The following CDK13 variants were observed in gnomAD, a reference collection of about 807,000 sequenced individuals.
CDK13 encodes the protein cyclin-dependent kinase 13.
CDK13 carries 40 observed loss-of-function variants against 137.6 expected under a neutral mutation model. That is an observed-to-expected ratio of 0.29 (90% CI 0.23 to 0.38). The LOEUF (loss-of-function observed/expected upper bound fraction) is 0.38, where lower values mean the gene tolerates loss of function less well. CDK13 is among the 10% of genes least tolerant of loss of function. The pLI, the probability that CDK13 is intolerant of heterozygous loss-of-function variation, is 1.00. For missense variants in CDK13, 1,704 were observed against 1,951.8 expected (o/e 0.87, Z 2.39); for synonymous variants, 869 against 760.1 (o/e 1.14, Z -2.36).
At chr7:40,015,467 G>T (rs1474015839) in intron 5 of CDK13, among the ~76,000 whole-genome samples, 1 of 152,084 alleles carries the variant, frequency 6.6e-6, no homozygotes, top group Admixed American at 6.5e-5. Flanking sequence ...TTCTTCATCT[G>T]CAAAATGGGG....
intron 12 of CDK13, among the ~76,000 whole-genome samples, chr7:40,089,464 A>G (rs1338989487): frequency 6.6e-6 from 1 of 151,238 alleles, no homozygotes; most frequent in Non-Finnish European, 1.5e-5. Flanking sequence ...AGGATATCTT[A>G]TATCTAGTTA....
chr7:40,084,032 A>G (rs1786731700), intron 11 of CDK13, among the ~76,000 whole-genome samples: 1 of 152,178 alleles, frequency 6.6e-6, no homozygotes, highest in Non-Finnish European at 1.5e-5. Flanking sequence ...AAATGAGAGA[A>G]TGGGGTATTT....
At chr7:40,090,786 T>C (rs951450416) in intron 12 of CDK13, among the ~76,000 whole-genome samples, 2 of 152,168 alleles carry the variant, frequency 1.3e-5, no homozygotes, top group Non-Finnish European at 2.9e-5. Context: ...CAGGAAAGAT[T>C]GCTTGAGCCT....
At chr7:39,975,821 AAC>A (rs1784092883) in intron 1 of CDK13, among the ~76,000 whole-genome samples, 1 of 152,358 alleles carries the variant, frequency 6.6e-6, no homozygotes, top group East Asian at 1.9e-4. Context: ...TGTGAGTCAC[AAC>A]ACAGAGTTTT....
intron 4 of CDK13, among the ~76,000 whole-genome samples, chr7:39,999,894 T>A (rs113603632): frequency 6.7e-6 from 1 of 150,304 alleles, no homozygotes; most frequent in Non-Finnish European, 1.5e-5. Flanking sequence ...CAGTTTTTTT[T>A]CCTGCAGTAA....
rs147288042 is a variant in CDK13, at chr7:40,039,857, C to T, written c.2354-5979C>T. 7.4e-4 allele frequency among the ~76,000 whole-genome samples: 113 copies of T among 151,986 alleles called. 1 individual carries two copies. In the East Asian group the frequency reaches 0.02, roughly 28 times the overall value. On this transcript the variant is annotated intron_variant, in intron 5 of 13. Transcript: ENST00000181839. ...CAGAGGATTTTTATTTTTACATAGT[C>T]GTATTTGTCATATTTATTATTTCTT...
rs1351890458 is a variant in CDK13, at chr7:40,024,651, T to G, written c.2354-21185T>G. On this transcript the variant is annotated intron_variant, in intron 5 of 13. Coordinates refer to ENST00000181839, the MANE Select transcript of CDK13 (RefSeq NM_003718.5). ...AAGATATCTGTAGCTCTGTGTTTTT[T>G]TTTTTTTTTTTTTTTTTTTTTTTTT... 8.0e-5 allele frequency among the ~76,000 whole-genome samples: 4 copies of G among 50,130 alleles called. No individual in the cohort carries two copies. In the East Asian group the frequency reaches 4.8e-3, roughly 60 times the overall value. The allele number at this position is 50,130 out of a possible 152,430, so 32.9% of individuals were successfully genotyped here.
chr7:40,038,947 A>T lies in CDK13; in HGVS notation c.2354-6889A>T, dbSNP rs909398328. Among the ~76,000 whole-genome samples, 3 of 152,260 alleles carry T rather than the reference A, an allele frequency of 2.0e-5. No homozygotes were observed. In the South Asian group the frequency reaches 6.2e-4, roughly 32 times the overall value. ...CGACCTCAGGTGATCTGCCCACCTC[A>T]GCGTCCCAAAGTGCTGGGATTATAG... On this transcript the variant is annotated intron_variant, in intron 5 of 13. Coordinates refer to ENST00000181839, the MANE Select transcript of CDK13 (RefSeq NM_003718.5).
chr7:40,050,612 C>T (rs988733909), intron 7 of CDK13, among the ~76,000 whole-genome samples: 8 of 152,132 alleles, frequency 5.3e-5, no homozygotes, highest in Admixed American at 1.3e-4. Context: ...AGGCTGGTCT[C>T]GAACTCGTGA....
chr7:40,062,712 A>T (rs546001640), intron 7 of CDK13, 114 bp from the exon 8 acceptor site: 2 of 752,392 alleles, frequency 2.7e-6, no homozygotes, highest in Non-Finnish European at 4.6e-6. Context: ...TAGGCAGATG[A>T]AAGTGTTTTT....
chr7:40,066,082 A>G (rs1786273621), intron 9 of CDK13, among the ~76,000 whole-genome samples: 1 of 152,126 alleles, frequency 6.6e-6, no homozygotes, highest in Non-Finnish European at 1.5e-5. Flanking sequence ...GAGGGTGAGC[A>G]TGTGGTCCGT....
chr7:40,011,132 A>G (rs764057827), intron 5 of CDK13, among the ~76,000 whole-genome samples: 3 of 152,220 alleles, frequency 2.0e-5, no homozygotes, highest in Non-Finnish European at 4.4e-5. Flanking sequence ...AGAATCTGAC[A>G]AGCTGATTCT....
At chr7:40,007,620 G>T (rs1784819790) in intron 5 of CDK13, among the ~76,000 whole-genome samples, 1 of 152,010 alleles carries the variant, frequency 6.6e-6, no homozygotes, top group African/African-American at 2.4e-5. Context: ...TAGAGACGGG[G>T]TTTCACCATG....
At chr7:40,056,503 A>G (rs1786023133) in intron 7 of CDK13, among the ~76,000 whole-genome samples, 2 of 152,170 alleles carry the variant, frequency 1.3e-5, no homozygotes, top group African/African-American at 4.8e-5. Context: ...TGGAACAAAA[A>G]CCAAATGATA....
chr7:39,967,443 A>G (rs1783896622), intron 1 of CDK13, among the ~76,000 whole-genome samples: 1 of 151,954 alleles, frequency 6.6e-6, no homozygotes, highest in Non-Finnish European at 1.5e-5. Flanking sequence ...AAAACAAAAT[A>G]AAACAAAAAA....
intron 9 of CDK13, among the ~76,000 whole-genome samples, chr7:40,077,699 A>G (rs1440872874): frequency 6.6e-6 from 1 of 152,104 alleles, no homozygotes; most frequent in African/African-American, 2.4e-5. Context: ...TACTAAAAAT[A>G]CAAAAACTAG....
intron 5 of CDK13, among the ~76,000 whole-genome samples, chr7:40,025,100 A>G (rs768729358): frequency 2.0e-5 from 3 of 152,082 alleles, no homozygotes; most frequent in Non-Finnish European, 2.9e-5. Context: ...TCTCAAACTC[A>G]TGCTCCTGAT....
chr7:40,003,062 A>G (rs1050812229), intron 5 of CDK13, among the ~76,000 whole-genome samples: 1 of 151,754 alleles, frequency 6.6e-6, no homozygotes, highest in African/African-American at 2.4e-5. Flanking sequence ...TCGGTGACAG[A>G]GCAAGACCTT....
chr7:40,039,166 T>C (rs917979585), intron 5 of CDK13, among the ~76,000 whole-genome samples: 1 of 152,200 alleles, frequency 6.6e-6, no homozygotes, highest in Non-Finnish European at 1.5e-5. Flanking sequence ...GGCACTTTGC[T>C]CTTTTTTCGG....
Sources: gnomAD v4.1 joint callset for allele counts (sites outside exome capture counted in the v4.1 genomes callset) on GRCh38, gnomAD v4.1.1 for gene constraint, MANE v1.5 for transcripts, NCBI Gene and HGNC (gene_info 2026-07-23, HGNC 2026-07-21) for gene names.